The following PDLIM5 variants were observed in gnomAD, a reference collection of about 807,000 sequenced individuals.
PDLIM5 encodes the protein PDZ and LIM domain 5, also known as PDZ and LIM domain protein 5.
Under a neutral mutation model 64.2 loss-of-function variants are expected in PDLIM5, and 34 were observed. That is an observed-to-expected ratio of 0.53 (90% CI 0.40 to 0.71). PDLIM5 has a LOEUF of 0.71. Among genes scored for constraint, PDLIM5 ranks in the 30% least tolerant of loss-of-function variants. The pLI is 0.00. For missense variants in PDLIM5, 683 were observed against 733.6 expected (o/e 0.93, Z 0.80); for synonymous variants, 253 against 269.1 (o/e 0.94, Z 0.59).
intron 11 of PDLIM5, among the ~76,000 whole-genome samples, chr4:94,658,221 T>G (rs1425352355): frequency 6.6e-6 from 1 of 152,256 alleles, no homozygotes; most frequent in African/African-American, 2.4e-5. Context: ...GATATTGATT[T>G]GCCCTTTAAG....
intron 3 of PDLIM5, among the ~76,000 whole-genome samples, chr4:94,559,577 G>A (rs190303752): frequency 1.0e-3 from 155 of 152,344 alleles, no homozygotes; most frequent in African/African-American, 3.6e-3. Context: ...GAAATTTTAT[G>A]TGACAGACGG....
At chr4:94,459,060 T>C (rs1159164597) in intron 2 of PDLIM5, among the ~76,000 whole-genome samples, 2 of 152,228 alleles carry the variant, frequency 1.3e-5, no homozygotes, top group Non-Finnish European at 2.9e-5. Context: ...ATGGGTTTCA[T>C]TGTAGCAGTG....
chr4:94,555,403 G>T (rs571623553), intron 3 of PDLIM5, among the ~76,000 whole-genome samples: 1 of 152,144 alleles, frequency 6.6e-6, no homozygotes, highest in Non-Finnish European at 1.5e-5. Flanking sequence ...GGGTTTACTG[G>T]GACATAACCC....
At chr4:94,536,353 C>T (rs1578328631) in intron 3 of PDLIM5, among the ~76,000 whole-genome samples, 1 of 152,134 alleles carries the variant, frequency 6.6e-6, no homozygotes, top group Admixed American at 6.5e-5. Flanking sequence ...TGGATTCCAC[C>T]AAGTTAACTT....
At chr4:94,539,926 C>T (rs900959573) in intron 3 of PDLIM5, among the ~76,000 whole-genome samples, 3 of 151,954 alleles carry the variant, frequency 2.0e-5, no homozygotes, top group Non-Finnish European at 2.9e-5. Context: ...TCTTGGCTGC[C>T]GTGAGTAAAA....
chr4:94,482,387 G>A (rs558582069), intron 2 of PDLIM5, among the ~76,000 whole-genome samples: 24 of 152,178 alleles, frequency 1.6e-4, no homozygotes, highest in Admixed American at 9.8e-4. Context: ...ATATCTCTGA[G>A]TTCAATATTG....
At chr4:94,626,211 G>A (rs527882449) in intron 8 of PDLIM5, among the ~76,000 whole-genome samples, 1 of 152,274 alleles carries the variant, frequency 6.6e-6, no homozygotes, top group East Asian at 1.9e-4. Flanking sequence ...ACAATGGGCG[G>A]CCTAAAAGGA....
chr4:94,583,162 G>A (rs915411289), intron 5 of PDLIM5, among the ~76,000 whole-genome samples: 1 of 151,590 alleles, frequency 6.6e-6, no homozygotes, highest in Non-Finnish European at 1.5e-5. Context: ...CTTTCATCAT[G>A]GTCATCACAC....
chr4:94,639,643 T>G (rs1455987007), intron 8 of PDLIM5, among the ~76,000 whole-genome samples: 1 of 152,214 alleles, frequency 6.6e-6, no homozygotes, highest in Non-Finnish European at 1.5e-5. Flanking sequence ...AGTGAGTTAA[T>G]TTTTGGTTTT....
chr4:94,609,300 A>G (rs79515730), intron 7 of PDLIM5, among the ~76,000 whole-genome samples: 1,662 of 152,320 alleles, frequency 0.011, 37 homozygotes, highest in African/African-American at 0.038. Context: ...TTCACACTAT[A>G]CGTTTATACA....
At chr4:94,654,915 G>A (rs894140873) in intron 10 of PDLIM5, among the ~76,000 whole-genome samples, 2 of 152,128 alleles carry the variant, frequency 1.3e-5, no homozygotes, top group African/African-American at 2.4e-5. Context: ...TACTGTGGGT[G>A]TGCTTCCTCA....
At chr4:94,532,462 GA>G in intron 3 of PDLIM5, among the ~76,000 whole-genome samples, 1 of 152,138 alleles carries the variant, frequency 6.6e-6, no homozygotes, top group Non-Finnish European at 1.5e-5. Flanking sequence ...CAGGGAGGAG[GA>G]GGTAACAATT....
chr4:94,645,802 T>A (rs915109162), intron 9 of PDLIM5, among the ~76,000 whole-genome samples: 1 of 152,184 alleles, frequency 6.6e-6, no homozygotes, highest in African/African-American at 2.4e-5. Flanking sequence ...TTGTGATGAA[T>A]GAATATACAC....
At chr4:94,564,462 C>G (rs1734117365) in intron 3 of PDLIM5, among the ~76,000 whole-genome samples, 1 of 152,080 alleles carries the variant, frequency 6.6e-6, no homozygotes, top group African/African-American at 2.4e-5. Flanking sequence ...GCCAGGAATT[C>G]CGTACTTCAG....
At chr4:94,512,582 A>G (rs934652307) in intron 2 of PDLIM5, among the ~76,000 whole-genome samples, 27 of 151,490 alleles carry the variant, frequency 1.8e-4, no homozygotes, top group Admixed American at 1.5e-3. Flanking sequence ...AGAAATGTCT[A>G]TTCAAATCTT....
chr4:94,568,064 TG>T (rs1336905871), intron 3 of PDLIM5, among the ~76,000 whole-genome samples: 1 of 152,226 alleles, frequency 6.6e-6, no homozygotes. Context: ...CTTTGCATTG[TG>T]CAGAATGATT....
At chr4:94,657,237 G>A (rs1742281312) in intron 10 of PDLIM5, among the ~76,000 whole-genome samples, 190 bp from the exon 11 acceptor site, 1 of 152,192 alleles carries the variant, frequency 6.6e-6, no homozygotes, top group African/African-American at 2.4e-5. Flanking sequence ...ATATGCATCC[G>A]TTTAGATGAT....
chr4:94,596,534 AG>A (rs1166293493), intron 7 of PDLIM5, among the ~76,000 whole-genome samples: 5 of 151,688 alleles, frequency 3.3e-5, no homozygotes, highest in African/African-American at 1.2e-4. Context: ...CCTGCACTTT[AG>A]TTTTTTTTTT....
chr4:94,608,244 G>A, intron 7 of PDLIM5: 2 of 1,064,772 alleles, frequency 1.9e-6, no homozygotes, highest in South Asian at 1.7e-5. Flanking sequence ...ATACTAAACT[G>A]TTTGAAAAAG....
Sources: allele counts gnomAD v4.1 joint callset (sites outside exome capture counted in the v4.1 genomes callset), GRCh38; gene constraint gnomAD v4.1.1; transcripts MANE v1.5; gene names NCBI Gene and HGNC (gene_info 2026-07-23, HGNC 2026-07-21).